Variants in XRCC6 observed in about 807,000 individuals in gnomAD.
XRCC6 encodes the protein X-ray repair cross complementing 6.
Under a neutral mutation model 65.7 loss-of-function variants are expected in XRCC6, and 5 were observed. That is an observed-to-expected ratio of 0.08 (90% CI 0.04 to 0.16). XRCC6 has a LOEUF of 0.16. Ranked by LOEUF, XRCC6 falls within the 10% of genes least tolerant of loss-of-function variation. The probability of loss-of-function intolerance (pLI) is 1.00; values close to 1 mark genes in which losing one functional copy is unlikely to be tolerated. For synonymous variants in XRCC6, 270 were observed against 270.6 expected (o/e 1.00, Z 0.02); for missense variants, 447 against 738.1 (o/e 0.61, Z 4.57).
intron 9 of XRCC6, among the ~76,000 whole-genome samples, chr22:41,656,690 G>T (rs1002300374): frequency 6.6e-6 from 1 of 152,164 alleles, no homozygotes; most frequent in Non-Finnish European, 1.5e-5. Context: ...TATACAGGAA[G>T]GGGCACCCCT....
At chr22:41,657,503 T>G (rs1006024473) in intron 10 of XRCC6, among the ~76,000 whole-genome samples, 2 of 138,692 alleles carry the variant, frequency 1.4e-5, no homozygotes, top group Non-Finnish European at 3.1e-5. Context: ...ATTATTATTA[T>G]TATTATTATT....
intron 3 of XRCC6, among the ~76,000 whole-genome samples, chr22:41,632,958 C>T (rs1343815144): frequency 6.6e-6 from 1 of 151,988 alleles, no homozygotes; most frequent in African/African-American, 2.4e-5. Flanking sequence ...GAAACCTCGT[C>T]TCTACTAAAA....
intron 6 of XRCC6, among the ~76,000 whole-genome samples, chr22:41,644,405 T>G (rs895593151): frequency 5.3e-5 from 8 of 152,020 alleles, no homozygotes; most frequent in African/African-American, 1.9e-4. Flanking sequence ...TCATGGGTTA[T>G]TTTACGTTCT....
intron 6 of XRCC6, among the ~76,000 whole-genome samples, chr22:41,645,698 C>CT (rs909409152): frequency 0.042 from 5,622 of 135,020 alleles, 188 homozygotes; most frequent in African/African-American, 0.093. Flanking sequence ...ATTCTTTCTT[C>CT]TTTTTTTTTT....
intron 11 of XRCC6, 124 bp downstream of exon 11, chr22:41,658,476 C>G (rs536576177): frequency 4.5e-6 from 4 of 893,718 alleles, no homozygotes; most frequent in African/African-American, 3.4e-5. Flanking sequence ...CCCAGACCCC[C>G]TCTGTTTGGA....
chr22:41,623,807 G>A (rs572750198), intron 2 of XRCC6, among the ~76,000 whole-genome samples: 14 of 152,158 alleles, frequency 9.2e-5, no homozygotes, highest in African/African-American at 2.6e-4. Context: ...TGCAACCTCC[G>A]CCACCCCAGT....
Position 41,628,284 on chromosome 22 carries a change from G to T in XRCC6, c.195+54G>T. 4.7e-6 allele frequency: 7 copies of T among 1,483,972 alleles called. No homozygotes were observed. The South Asian group carries it at 8.2e-5, about 17-fold the overall frequency. The allele number at this position is 1,483,972 out of a possible 1,614,324, so 91.9% of individuals were successfully genotyped here. On this transcript the variant is annotated intron_variant, in intron 3 of 12. Coordinates refer to ENST00000360079, the MANE Select transcript of XRCC6 (RefSeq NM_001469.5). ...TTTAAAAACAGTATTGGCTGGGCAT[G>T]GTGGCGGCTCATGCCTGTAATCTCA...
chr22:41,639,491 G>A (rs1368214828), intron 6 of XRCC6, among the ~76,000 whole-genome samples: 1 of 150,792 alleles, frequency 6.6e-6, no homozygotes, highest in Non-Finnish European at 1.5e-5. Context: ...GTGCCACCAT[G>A]CTCTGCTGAT....
At position 41,621,884 on chromosome 22, in the gene XRCC6, T is replaced by C. The variant is rs548978124; in HGVS notation, c.-15-106T>C. 8 of 1,073,654 alleles carry C rather than the reference T, an allele frequency of 7.5e-6. No homozygotes were observed. The East Asian group carries it at 1.5e-4, about 19-fold the overall frequency. 66.5% of individuals were successfully genotyped at this position (1,073,654 alleles called of 1,614,324 possible). The stretch of plus-strand genomic sequence containing the variant: ...AGGCAGCAGGATTTACCGTCCACAT[T>C]CCTCACTACTAACCAAGCTTTTAGA... On this transcript the variant is annotated intron_variant, in intron 1 of 12. Transcript: ENST00000360079.
Position 41,656,971 on chromosome 22 carries a change from G to A in XRCC6, c.1360G>A (p.Ala454Thr), listed in dbSNP as rs2091241807. The A allele has an allele frequency of 6.8e-6, 11 of 1,612,082 alleles. No individual in the cohort carries two copies. Among genetic ancestry groups the A allele is most frequent in the Non-Finnish European group, 9.3e-6 (11 of 1,179,478 alleles). The change falls in exon 10 of 13, where the codon GCA (alanine) becomes ACA (threonine). Residue 454 changes from alanine to threonine, a missense_variant. Physicochemically the swap from Ala to Thr is moderately conservative, Grantham distance 58. Transcript: ENST00000360079. ...RKMPFTEKIM[A>T]TPEQVGKMKA... ...GATGCCCTTTACTGAAAAAATCATG[G>A]CAACTCCAGAGCAGGTGGGCAAGAT...
At chr22:41,646,352 A>G (rs1357250207) in intron 6 of XRCC6, among the ~76,000 whole-genome samples, 1 of 152,032 alleles carries the variant, frequency 6.6e-6, no homozygotes, top group Non-Finnish European at 1.5e-5. Context: ...TTACAGGGTT[A>G]TTATGATGAT....
At chr22:41,623,433 G>A (rs1458693623) in intron 2 of XRCC6, among the ~76,000 whole-genome samples, 1 of 152,050 alleles carries the variant, frequency 6.6e-6, no homozygotes, top group Non-Finnish European at 1.5e-5. Context: ...TGTCGCCCAG[G>A]CTGGAGTGCA....
chr22:41,652,819 G>A (rs750594675), intron 8 of XRCC6, among the ~76,000 whole-genome samples: 5 of 152,026 alleles, frequency 3.3e-5, no homozygotes, highest in Admixed American at 6.6e-5. Flanking sequence ...GACTACAGGC[G>A]TGCACTACCA....
intron 3 of XRCC6, among the ~76,000 whole-genome samples, chr22:41,631,040 C>T (rs1262000435): frequency 8.4e-5 from 12 of 142,998 alleles, no homozygotes; most frequent in South Asian, 2.3e-4. Flanking sequence ...TAGGGGCGGC[C>T]GGGCAGAGGC....
chr22:41,627,424 C>T (rs1261718516), intron 2 of XRCC6, among the ~76,000 whole-genome samples: 2 of 151,734 alleles, frequency 1.3e-5, no homozygotes, highest in Non-Finnish European at 2.9e-5. Flanking sequence ...CAACCTGGGC[C>T]AACATGGTAA....
chr22:41,662,075 G>A (rs1452468236), intron 12 of XRCC6, among the ~76,000 whole-genome samples: 2 of 152,160 alleles, frequency 1.3e-5, no homozygotes, highest in African/African-American at 4.8e-5. Flanking sequence ...AGGCTGAGAA[G>A]GGTAGTGAGG....
chr22:41,659,493 G>A (rs1302059695), intron 11 of XRCC6, among the ~76,000 whole-genome samples: 1 of 150,116 alleles, frequency 6.7e-6, no homozygotes. Context: ...AGCAGGAGGC[G>A]CTGCGCACGG....
chr22:41,640,960 T>C (rs1419810200), intron 6 of XRCC6, among the ~76,000 whole-genome samples: 1 of 152,056 alleles, frequency 6.6e-6, no homozygotes, highest in East Asian at 1.9e-4. Flanking sequence ...GGTACCTCCT[T>C]GGGTAGGTGC....
At chr22:41,641,766 A>G (rs2067880047) in intron 6 of XRCC6, among the ~76,000 whole-genome samples, 1 of 151,950 alleles carries the variant, frequency 6.6e-6, no homozygotes, top group Non-Finnish European at 1.5e-5. Flanking sequence ...AGTGAATGCA[A>G]CAACATTTAT....
Sources: gnomAD v4.1 joint callset for allele counts (sites outside exome capture counted in the v4.1 genomes callset) on GRCh38, gnomAD v4.1.1 for gene constraint, MANE v1.5 for transcripts, NCBI Gene and HGNC (gene_info 2026-07-23, HGNC 2026-07-21) for gene names.